The following NBPF8 variants were observed in gnomAD, a reference collection of about 807,000 sequenced individuals.
NBPF8 encodes the protein NBPF family member NBPF8.
At chr1:120,419,615 T>C (rs1165446580), upstream of NBPF8, among the ~76,000 whole-genome samples, 2 of 151,910 alleles carry the variant, frequency 1.3e-5, no homozygotes, top group Admixed American at 6.6e-5. Flanking sequence ...TGTGCCACCA[T>C]GCTGGGCCAA....
intron 3 of NBPF8, among the ~76,000 whole-genome samples, chr1:120,430,916 T>C (rs1660857983): frequency 6.6e-6 from 1 of 151,770 alleles, no homozygotes; most frequent in African/African-American, 2.4e-5. Flanking sequence ...AAGTCAGTTC[T>C]TCGTAAATTG....
At chr1:120,454,483 G>A (rs1326449022) in intron 15 of NBPF8, among the ~76,000 whole-genome samples, 1 of 152,080 alleles carries the variant, frequency 6.6e-6, no homozygotes, top group Non-Finnish European at 1.5e-5. Flanking sequence ...TGGCAGCCTT[G>A]CCTTTGTATT....
exon 20 of NBPF8, chr1:120,462,192 C>T (rs1661610628): frequency 7.1e-6 from 4 of 562,186 alleles, no homozygotes; most frequent in Non-Finnish European, 1.2e-5. Flanking sequence ...ACCCATCATG[C>T]CCCAGGTAAC....
chr1:120,415,059 G>A (rs1267440341), upstream of NBPF8, among the ~76,000 whole-genome samples: 8 of 152,006 alleles, frequency 5.3e-5, no homozygotes, highest in Admixed American at 2.0e-4. Context: ...GGAGCCAGCT[G>A]GCTCAGGCTA....
intron 3 of NBPF8, among the ~76,000 whole-genome samples, chr1:120,428,605 G>A (rs1218493779): frequency 3.9e-5 from 6 of 152,192 alleles, no homozygotes; most frequent in African/African-American, 1.4e-4. Context: ...GCAAAGCATG[G>A]CTGAGGCTTG....
chr1:120,461,870 AT>A (rs1378395200), intron 19 of NBPF8, among the ~76,000 whole-genome samples: 2 of 102,184 alleles, frequency 2.0e-5, no homozygotes, highest in Non-Finnish European at 3.8e-5. Context: ...CTTTAAATCG[AT>A]TGGAAAAATA....
chr1:120,423,451 C>T lies in NBPF8; in HGVS notation n.270-2296C>T, dbSNP rs1454277907. 4.7e-5 allele frequency among the ~76,000 whole-genome samples: 5 copies of T among 106,408 alleles called. 1 individual carries two copies. The highest frequency in any genetic ancestry group is 4.9e-4 in the South Asian group (2 of 4,090). 69.8% of individuals were successfully genotyped at this position (106,408 alleles called of 152,430 possible). A position where few individuals can be genotyped will look rare whatever the true frequency, so the allele number is the denominator to read the frequency against. ...TGTATGTAGGCCTGCTTCTGGGCTC[C>T]GTATTCTTTTCTATGCATCTATATG... On this transcript the variant is annotated intron_variant and non_coding_transcript_variant, in intron 1 of 28. Coordinates refer to the NBPF8 transcript ENST00000652355.
At chr1:120,431,240 TACAC>T (rs1487181393) in intron 3 of NBPF8, among the ~76,000 whole-genome samples, 12 of 113,992 alleles carry the variant, frequency 1.1e-4, no homozygotes, top group East Asian at 2.8e-4. Flanking sequence ...TATACACACA[TACAC>T]ACACAAACGT....
At chr1:120,419,608 G>A (rs1286737109), upstream of NBPF8, among the ~76,000 whole-genome samples, 17 of 151,968 alleles carry the variant, frequency 1.1e-4, no homozygotes, top group Non-Finnish European at 5.9e-5. Flanking sequence ...ACAAGTGTGT[G>A]CCACCATGCT....
chr1:120,466,268 A>G lies in NBPF8; in HGVS notation n.3859A>G. The G allele has an allele frequency of 2.5e-6, 4 of 1,600,376 alleles. No homozygotes were observed. In the East Asian group the frequency reaches 6.7e-5, roughly 27 times the overall value. ...GGTGTCATTCCTGCAGGCAGGACCT[A>G]TAGGCGCCTGAAGATTTGAATGAAA... is the stretch of plus-strand genomic sequence containing the variant. On this transcript the variant is annotated non_coding_transcript_exon_variant, in exon 25 of 25. Coordinates refer to ENST00000583271, the Ensembl canonical transcript of NBPF8.
At chr1:120,453,986 A>G (rs1661361214) in exon 15 of NBPF8, 10 of 1,611,036 alleles carry the variant, frequency 6.2e-6, no homozygotes, top group Non-Finnish European at 8.5e-6. Context: ...TCAAATAGCC[A>G]TGGCCCTTAT....
At chr1:120,468,596 T>G (rs1434195753), downstream of NBPF8, among the ~76,000 whole-genome samples, 1 of 150,982 alleles carries the variant, frequency 6.6e-6, no homozygotes, top group African/African-American at 2.5e-5. Context: ...ATTTGTTCTC[T>G]TCACCATGAG....
chr1:120,415,043 C>T (rs1168378702), upstream of NBPF8, among the ~76,000 whole-genome samples: 6 of 152,096 alleles, frequency 3.9e-5, no homozygotes, highest in Non-Finnish European at 8.8e-5. Flanking sequence ...CCGAGCGGGA[C>T]CCTGAGGAGC....
chr1:120,451,782 T>C (rs1255149245), intron 12 of NBPF8, among the ~76,000 whole-genome samples: 1 of 148,940 alleles, frequency 6.7e-6, no homozygotes, highest in Non-Finnish European at 1.5e-5. Context: ...CAAGATGCAC[T>C]ATGTGTATTT....
intron 15 of NBPF8, among the ~76,000 whole-genome samples, 188 bp downstream of exon 13, chr1:120,454,302 G>C (rs1661372945): frequency 6.6e-6 from 1 of 152,146 alleles, no homozygotes; most frequent in Non-Finnish European, 1.5e-5. Flanking sequence ...CCAGTATCAA[G>C]TTACTCAACC....
chr1:120,421,364 T>TTCCCTACTTCTCTCCCC (rs1292727214), intron 1 of NBPF8, among the ~76,000 whole-genome samples: 2 of 152,146 alleles, frequency 1.3e-5, no homozygotes, highest in East Asian at 3.9e-4. Context: ...CCTTCCTTCC[T>TTCCCTACTTCTCTCCCC]TCCCTACTTC....
chr1:120,456,310 T>G (rs1299740354), intron 16 of NBPF8, among the ~76,000 whole-genome samples: 1 of 150,620 alleles, frequency 6.6e-6, no homozygotes, highest in African/African-American at 2.5e-5. Context: ...GTTCAAGTCC[T>G]GGATATCCTT....
exon 8 of NBPF8, chr1:120,445,960 A>G: frequency 3.3e-6 from 3 of 915,326 alleles, no homozygotes; most frequent in Non-Finnish European, 5.0e-6. Context: ...GATGAGCCGG[A>G]CAAGTCCCAG....
upstream of NBPF8, among the ~76,000 whole-genome samples, chr1:120,434,521 G>C (rs1238146038): frequency 6.7e-6 from 1 of 148,692 alleles, no homozygotes; most frequent in Non-Finnish European, 1.5e-5. Flanking sequence ...CTCACCCCAT[G>C]ACAGGCCCTG....
Sources: gnomAD v4.1 joint callset for allele counts (sites outside exome capture counted in the v4.1 genomes callset) on GRCh38, gnomAD v4.1.1 for gene constraint, MANE v1.5 for transcripts, NCBI Gene and HGNC (gene_info 2026-07-23, HGNC 2026-07-21) for gene names.